LRRC37A2: variants seen among roughly 807,000 people sequenced by gnomAD.
LRRC37A2 encodes the protein leucine-rich repeat-containing protein 37A2.
Under a neutral mutation model 68.8 loss-of-function variants are expected in LRRC37A2, and 9 were observed. The ratio of observed to expected loss-of-function variants is 0.13; its 90% confidence interval spans 0.08 to 0.23. The LOEUF (loss-of-function observed/expected upper bound fraction) is 0.23. Ranked by LOEUF, LRRC37A2 falls within the 10% of genes least tolerant of loss-of-function variation. The pLI, the probability that LRRC37A2 is intolerant of heterozygous loss-of-function variation, is 1.00. For synonymous variants in LRRC37A2, 63 were observed against 367.6 expected (o/e 0.17, Z 9.48); for missense variants, 168 against 950.4 (o/e 0.18, Z 10.82).
chr17:46,857,203 T>G, the LRRC37A2 span, among the ~76,000 whole-genome samples: 1 of 152,158 alleles, frequency 6.6e-6, no homozygotes, highest in Non-Finnish European at 1.5e-5. Flanking sequence ...GCGTGGTGGC[T>G]CATGCCTGTA....
the LRRC37A2 span, among the ~76,000 whole-genome samples, chr17:47,020,655 G>T: frequency 1.3e-4 from 19 of 150,752 alleles, no homozygotes; most frequent in Non-Finnish European, 1.8e-4. Context: ...GGTGGTGGGT[G>T]CCTGGAGTCC....
the LRRC37A2 span, among the ~76,000 whole-genome samples, chr17:46,796,982 G>T: frequency 1.1e-3 from 170 of 152,294 alleles, no homozygotes; most frequent in African/African-American, 3.6e-3. Flanking sequence ...ATAGGCAGGA[G>T]AATCTTCTCG....
chr17:46,736,805 T>C, the LRRC37A2 span, among the ~76,000 whole-genome samples: 3 of 152,224 alleles, frequency 2.0e-5, no homozygotes, highest in African/African-American at 7.2e-5. Context: ...AAGATTTAAT[T>C]GAATATCTGA....
At chr17:46,868,005 G>A in the LRRC37A2 span, among the ~76,000 whole-genome samples, 5 of 152,098 alleles carry the variant, frequency 3.3e-5, no homozygotes, top group South Asian at 4.2e-4. Flanking sequence ...GGCGGCCGCT[G>A]TTCACCTGGG....
chr17:46,762,541 C>A, the LRRC37A2 span: 1 of 150,608 alleles, frequency 6.6e-6, no homozygotes, highest in Non-Finnish European at 1.5e-5. Context: ...AATGACTTAA[C>A]AGAAAAAAAC....
At chr17:46,753,242 TAGTGTGGG>T in the LRRC37A2 span, among the ~76,000 whole-genome samples, 1 of 152,240 alleles carries the variant, frequency 6.6e-6, no homozygotes, top group South Asian at 2.1e-4. Flanking sequence ...TGCATTCTGC[TAGTGTGGG>T]CAGTGAGCGG....
chr17:46,534,021 CTTTGT>C (rs904277072), intron 6 of LRRC37A2, among the ~76,000 whole-genome samples: 1 of 121,144 alleles, frequency 8.3e-6, no homozygotes, highest in Non-Finnish European at 1.6e-5. Context: ...TGTGTGGTTG[CTTTGT>C]TTTTAGACAG....
the LRRC37A2 span, among the ~76,000 whole-genome samples, chr17:46,761,825 CATT>C: frequency 5.3e-5 from 8 of 152,352 alleles, no homozygotes; most frequent in African/African-American, 1.7e-4. Flanking sequence ...TGTGGCATCT[CATT>C]GTTGAGAAGG....
the LRRC37A2 span, among the ~76,000 whole-genome samples, chr17:46,731,279 A>T: frequency 3.3e-5 from 5 of 152,148 alleles, no homozygotes; most frequent in Non-Finnish European, 2.9e-5. Flanking sequence ...AATGTCCAGG[A>T]CTGGCAGATC....
the LRRC37A2 span, among the ~76,000 whole-genome samples, chr17:46,854,627 T>TA: frequency 2.0e-4 from 31 of 151,552 alleles, no homozygotes; most frequent in East Asian, 5.8e-4. Context: ...TTAATGGTGA[T>TA]AAAAAAAAAC....
At chr17:46,501,980 T>C in the LRRC37A2 span, among the ~76,000 whole-genome samples, 2 of 151,450 alleles carry the variant, frequency 1.3e-5, no homozygotes, top group Middle Eastern at 3.4e-3. Flanking sequence ...TATTTAACTT[T>C]TGGACGATGA....
chr17:46,849,864 T>C, the LRRC37A2 span, among the ~76,000 whole-genome samples: 6 of 151,952 alleles, frequency 3.9e-5, 1 homozygote, highest in East Asian at 1.2e-3. Flanking sequence ...TTTTTTTGTT[T>C]TGAGATGGAG....
chr17:46,495,541 C>T, the LRRC37A2 span, among the ~76,000 whole-genome samples: 9 of 147,244 alleles, frequency 6.1e-5, no homozygotes, highest in African/African-American at 1.6e-4. Flanking sequence ...CCCACCACCA[C>T]GCCCAGCTAA....
chr17:46,983,951 G>T, the LRRC37A2 span: 1 of 152,302 alleles, frequency 6.6e-6, no homozygotes, highest in East Asian at 1.9e-4. Context: ...GTCGGCAGGG[G>T]GATCCTCTGT....
chr17:46,819,339 G>A, the LRRC37A2 span, among the ~76,000 whole-genome samples: 1 of 152,222 alleles, frequency 6.6e-6, no homozygotes. This position sits in a 1 kb window ranked among gnomAD's most constrained non-coding sequence, Gnocchi z 5.3. Context: ...GGGGGACGGA[G>A]CCGAGTGTCA....
At chr17:46,929,656 T>C in the LRRC37A2 span, 1 of 809,094 alleles carries the variant, frequency 1.2e-6, no homozygotes, top group Non-Finnish European at 2.2e-6. Context: ...GCTTCCTGAC[T>C]GCACTCTGCC....
chr17:46,497,885 T>C, the LRRC37A2 span, among the ~76,000 whole-genome samples: 2 of 149,566 alleles, frequency 1.3e-5, no homozygotes, highest in Non-Finnish European at 2.9e-5. Context: ...AGCATTTAGT[T>C]TCCCCAACTT....
the LRRC37A2 span, among the ~76,000 whole-genome samples, chr17:46,881,321 G>A: frequency 2.0e-5 from 3 of 152,250 alleles, no homozygotes; most frequent in South Asian, 6.2e-4. Context: ...TCTACCCAGT[G>A]TTCCTGGGCC....
At chr17:46,780,833 G>A in the LRRC37A2 span, among the ~76,000 whole-genome samples, 2 of 152,066 alleles carry the variant, frequency 1.3e-5, no homozygotes, top group African/African-American at 4.8e-5. Flanking sequence ...CAGTGTTCAC[G>A]GCAGTGCTAC....
Sources: allele counts gnomAD v4.1 joint callset (sites outside exome capture counted in the v4.1 genomes callset), GRCh38; gene constraint gnomAD v4.1.1; non-coding constraint Gnocchi (gnomAD v3.1); transcripts MANE v1.5; gene names NCBI Gene and HGNC (gene_info 2026-07-23, HGNC 2026-07-21).